The following CRIM1 variants were observed in gnomAD, a reference collection of about 807,000 sequenced individuals.
CRIM1 encodes cysteine-rich motor neuron 1 protein.
Under a neutral mutation model 116.4 loss-of-function variants are expected in CRIM1, and 32 were observed. The ratio of observed to expected loss-of-function variants is 0.27; its 90% CI spans 0.21 to 0.37. The LOEUF is 0.37. Among genes scored for constraint, CRIM1 ranks in the 10% least tolerant of loss-of-function variants. The pLI, the probability that CRIM1 is intolerant of heterozygous loss-of-function variation, is 1.00. For missense variants in CRIM1, 1,331 were observed against 1,354.8 expected (o/e 0.98, Z 0.28); for synonymous variants, 590 against 509.2 (o/e 1.16, Z -2.13).
rs1558432208 is a variant in CRIM1, at chr2:36,550,022, TGTGTGTGTGA to T, written c.*1323_*1332del. On this transcript the variant is annotated 3_prime_UTR_variant, in exon 17 of 17. Transcript: ENST00000280527. ...TCTACCTGCAGTTTAATTGGAAAGATGTGTGTGTGAGAGTATGTATGTGTGTGTGTGTGTG... is the reference window on the plus strand; with the variant it reads ...TCTACCTGCAGTTTAATTGGAAAGATGAGTATGTATGTGTGTGTGTGTGTG... The T allele has an allele frequency of 6.6e-6, 1 of 150,668 alleles. No homozygotes were observed. The highest frequency in any genetic ancestry group is 2.5e-5 in the African/African-American group (1 of 40,254). 9.3% of individuals were successfully genotyped at this position (150,668 alleles called of 1,614,324 possible). A position where few individuals can be genotyped will look rare whatever the true frequency, so the allele number is the denominator to read the frequency against.
chr2:36,388,485 A>G (rs1189293331), intron 1 of CRIM1, among the ~76,000 whole-genome samples: 1 of 152,192 alleles, frequency 6.6e-6, no homozygotes, highest in Non-Finnish European at 1.5e-5. Flanking sequence ...ATCAAACACA[A>G]GGATAAAGTC....
intron 2 of CRIM1, among the ~76,000 whole-genome samples, chr2:36,410,995 G>A (rs1464084535): frequency 1.3e-5 from 2 of 152,160 alleles, no homozygotes; most frequent in Non-Finnish European, 2.9e-5. Context: ...CATATTCTCA[G>A]TCGTGTCTGA....
chr2:36,542,757 T>C (rs954247287), intron 14 of CRIM1, among the ~76,000 whole-genome samples: 1 of 152,158 alleles, frequency 6.6e-6, no homozygotes, highest in Non-Finnish European at 1.5e-5. Flanking sequence ...AATGGCGACA[T>C]GGCTTTTCTG....
chr2:36,401,143 T>C (rs1376295942), intron 2 of CRIM1, among the ~76,000 whole-genome samples: 1 of 152,192 alleles, frequency 6.6e-6, no homozygotes, highest in Non-Finnish European at 1.5e-5. Context: ...TATAGACTTA[T>C]GGAGAATACT....
intron 8 of CRIM1, among the ~76,000 whole-genome samples, chr2:36,504,532 A>C (rs1051928117): frequency 6.6e-6 from 1 of 152,228 alleles, no homozygotes; most frequent in Non-Finnish European, 1.5e-5. Context: ...ATCGGTAACA[A>C]ATAACATTCT....
chr2:36,464,568 G>A lies in CRIM1; in HGVS notation c.904G>A (p.Val302Met), dbSNP rs373577546. ...TCTCTCTGGCTTATGTGGTTTCCCC[G>A]TGTGTGAGGTGGGATCCACTCCCCG... ...ECLSGLCGFP[V>M]CEVGSTPRIV... is the part of the protein sequence containing the mutation. The change falls in exon 5 of 17, where the codon GTG becomes ATG. Residue 302 changes from valine to methionine, a missense_variant. Coordinates refer to ENST00000280527, the MANE Select transcript of CRIM1 (RefSeq NM_016441.3). The A allele has an allele frequency of 2.2e-5, 35 of 1,613,980 alleles. No homozygotes were observed. Among genetic ancestry groups the A allele is most frequent in the Middle Eastern group, 3.3e-4 (2 of 6,082 alleles).
At chr2:36,469,307 C>T (rs746191860) in intron 5 of CRIM1, among the ~76,000 whole-genome samples, 1 of 152,126 alleles carries the variant, frequency 6.6e-6, no homozygotes, top group Non-Finnish European at 1.5e-5. Flanking sequence ...TACAACTTAG[C>T]GTGTGTTTTT....
Position 36,533,012 on chromosome 2 carries a change from T to C in CRIM1, c.2429-4340T>C, listed in dbSNP as rs201530514. ...ATGGCACAACCCTGATAGCCACACA[T>C]AAACTGTTTTGGTTATTTTTCGTTG... On this transcript the variant is annotated intron_variant, in intron 13 of 16. Coordinates refer to ENST00000280527, the MANE Select transcript of CRIM1 (RefSeq NM_016441.3). Among the ~76,000 whole-genome samples, 25 of 152,336 alleles carry C rather than the reference T, an allele frequency of 1.6e-4. No homozygotes were observed. The East Asian group carries it at 2.1e-3, about 13-fold the overall frequency.
intron 1 of CRIM1, among the ~76,000 whole-genome samples, chr2:36,358,601 C>T (rs1669012474): frequency 6.6e-6 from 1 of 152,140 alleles, no homozygotes; most frequent in Admixed American, 6.5e-5. Context: ...GATGTGATCC[C>T]TCATAGCTTC....
chr2:36,417,253 C>T (rs1053318827), intron 2 of CRIM1, among the ~76,000 whole-genome samples: 1 of 152,176 alleles, frequency 6.6e-6, no homozygotes, highest in East Asian at 1.9e-4. Flanking sequence ...CCTACTGTCT[C>T]GCCCACCATA....
chr2:36,505,740 C>CA (rs1681344230), intron 8 of CRIM1, among the ~76,000 whole-genome samples: 1 of 146,138 alleles, frequency 6.8e-6, no homozygotes, highest in South Asian at 2.3e-4. Flanking sequence ...GAAAGGTTAA[C>CA]AAAAAACAAG....
chr2:36,528,553 G>A (rs748968624), intron 13 of CRIM1, among the ~76,000 whole-genome samples: 2 of 152,240 alleles, frequency 1.3e-5, no homozygotes, highest in African/African-American at 2.4e-5. Context: ...GATCCACTGT[G>A]ATTCCTGGGA....
chr2:36,541,094 A>G (rs1484606931), intron 14 of CRIM1, among the ~76,000 whole-genome samples: 1 of 152,100 alleles, frequency 6.6e-6, no homozygotes, highest in African/African-American at 2.4e-5. Context: ...TTGATCCAGT[A>G]TGGGCTGCCA....
chr2:36,499,269 TG>T lies in CRIM1; in HGVS notation c.1424del (p.Cys475SerfsTer3), dbSNP rs769862063. The T allele has an allele frequency of 6.2e-7, 1 of 1,613,764 alleles. No homozygotes were observed. The highest frequency in any genetic ancestry group is 1.7e-5 in the Admixed American group (1 of 60,010). On this transcript the variant is annotated frameshift_variant, in exon 8 of 17. Transcript: ENST00000280527. LOFTEE classifies it high-confidence loss of function. ...DPPACGELSN[C>X]TLTGKDCING... ...ACCTGCATGTGGGGAGTTATCAAACTGCACTCTGACAGGGAAGGACTGCATT... is the reference window on the plus strand; with the variant it reads ...ACCTGCATGTGGGGAGTTATCAAACTCACTCTGACAGGGAAGGACTGCATT...
At chr2:36,547,898 C>T (rs1054478092) in intron 16 of CRIM1, among the ~76,000 whole-genome samples, 2 of 152,126 alleles carry the variant, frequency 1.3e-5, no homozygotes, top group Non-Finnish European at 2.9e-5. Flanking sequence ...AATCATAAAC[C>T]TTAAGAATTG....
chr2:36,409,313 A>T (rs926870009), intron 2 of CRIM1, among the ~76,000 whole-genome samples: 2 of 152,118 alleles, frequency 1.3e-5, no homozygotes. Flanking sequence ...TCTAGGAAAA[A>T]TTTTAAATTT....
At position 36,549,343 on chromosome 2, in the gene CRIM1, G is replaced by A. The variant is rs1462058392; in HGVS notation, c.*642G>A. The stretch of plus-strand genomic sequence containing the variant: ...GCGATAGCGGCATTTCTCTAAAGCG[G>A]GTTATTAAGGATATATACAGTTACA... On this transcript the variant is annotated 3_prime_UTR_variant, in exon 17 of 17. Coordinates refer to ENST00000280527, the MANE Select transcript of CRIM1 (RefSeq NM_016441.3). 1 of 152,602 alleles carries A rather than the reference G, an allele frequency of 6.6e-6. No individual in the cohort carries two copies. The highest frequency in any genetic ancestry group is 1.5e-5 in the Non-Finnish European group (1 of 68,044). 9.5% of individuals were successfully genotyped at this position (152,602 alleles called of 1,614,324 possible). A position where few individuals can be genotyped will look rare whatever the true frequency, so the allele number is the denominator to read the frequency against.
chr2:36,434,794 T>A (rs553156624), intron 2 of CRIM1, among the ~76,000 whole-genome samples: 46 of 152,192 alleles, frequency 3.0e-4, no homozygotes, highest in Admixed American at 9.2e-4. Flanking sequence ...ATGAAGTCTG[T>A]TTTTCCACTT....
intron 1 of CRIM1, among the ~76,000 whole-genome samples, chr2:36,362,738 T>TA (rs1318937834): frequency 7.2e-5 from 11 of 152,206 alleles, no homozygotes; most frequent in Admixed American, 2.0e-4. Context: ...ACTAAACTCT[T>TA]ACGTGTTTTA....
Sources: allele counts gnomAD v4.1 joint callset (sites outside exome capture counted in the v4.1 genomes callset), GRCh38; gene constraint gnomAD v4.1.1; transcripts MANE v1.5; gene names NCBI Gene and HGNC (gene_info 2026-07-23, HGNC 2026-07-21).